NDRG2: variants seen among roughly 807,000 people sequenced by gnomAD.
NDRG2 encodes protein NDRG2.
NDRG2 carries 34 observed loss-of-function variants against 58.2 expected under a neutral mutation model. The observed-to-expected ratio is 0.58, with a 90% CI of 0.44 to 0.78. NDRG2 has a LOEUF of 0.78. Ranked by LOEUF, NDRG2 falls within the 30% of genes least tolerant of loss-of-function variation. The pLI, the probability that NDRG2 is intolerant of heterozygous loss-of-function variation, is 0.00. For missense variants in NDRG2, 434 were observed against 471.2 expected (o/e 0.92, Z 0.73); for synonymous variants, 187 against 175.9 (o/e 1.06, Z -0.50).
chr14:21,037,508 G>T (rs934950580), intron 1 of NDRG2, among the ~76,000 whole-genome samples: 6 of 152,196 alleles, frequency 3.9e-5, no homozygotes, highest in Non-Finnish European at 8.8e-5. Context: ...AGACATTTTT[G>T]GTTGTCACAA....
At chr14:21,048,692 A>G (rs530935882) in intron 1 of NDRG2, among the ~76,000 whole-genome samples, 12 of 152,370 alleles carry the variant, frequency 7.9e-5, no homozygotes, top group African/African-American at 2.9e-4. Flanking sequence ...ACTAGCATGT[A>G]GGGAAAGTTT....
chr14:21,035,422 T>C (rs1342613718), intron 1 of NDRG2, among the ~76,000 whole-genome samples: 1 of 152,218 alleles, frequency 6.6e-6, no homozygotes, highest in African/African-American at 2.4e-5. Flanking sequence ...CGCTCCTATC[T>C]TTTTCATCAA....
chr14:21,035,140 G>A (rs898092799), intron 1 of NDRG2, among the ~76,000 whole-genome samples: 2 of 152,220 alleles, frequency 1.3e-5, no homozygotes, highest in Admixed American at 1.3e-4. Flanking sequence ...AAAGTGCTGG[G>A]CTGAGAATCA....
chr14:21,018,546 T>C (rs1276724616), intron 12 of NDRG2, 42 bp from the exon 13 acceptor site: 1 of 1,607,630 alleles, frequency 6.2e-7, no homozygotes, highest in Admixed American at 1.7e-5. Context: ...TCACGCCCAC[T>C]GTGGCGCCTC....
intron 1 of NDRG2, among the ~76,000 whole-genome samples, chr14:21,052,650 G>A (rs1007849773): frequency 1.3e-5 from 2 of 152,322 alleles, no homozygotes; most frequent in South Asian, 2.1e-4. Context: ...TAGACTGGAC[G>A]CAAGGTGAGT....
intron 1 of NDRG2, among the ~76,000 whole-genome samples, chr14:21,063,443 T>A (rs897378772): frequency 1.3e-5 from 2 of 152,196 alleles, no homozygotes; most frequent in African/African-American, 4.8e-5. Context: ...TGGGGTTATT[T>A]GGAGGCAAGG....
intron 1 of NDRG2, among the ~76,000 whole-genome samples, chr14:21,037,127 C>T (rs1443191385): frequency 6.6e-6 from 1 of 151,652 alleles, no homozygotes; most frequent in Non-Finnish European, 1.5e-5. Context: ...GCTCCCCCCA[C>T]CCAACACCAC....
chr14:21,046,084 C>T (rs1377371133), intron 1 of NDRG2, among the ~76,000 whole-genome samples: 3 of 152,084 alleles, frequency 2.0e-5, no homozygotes, highest in South Asian at 4.1e-4. Context: ...ATTTTATTTA[C>T]ATAATAAATC....
In NDRG2 at chr14:21,024,587, C is replaced by A; in HGVS notation, c.-564G>T. ...CACAAAGATTGGTGCCGTCGCTTCT[C>A]TCCTCTACTCAGTCTCCGTGTAGGT... On this transcript the variant is annotated 5_prime_UTR_variant, in exon 1 of 16. It introduces an in-frame stop codon into an upstream open reading frame of the 5' UTR. Transcript: ENST00000556147. The A allele has an allele frequency of 1.0e-6, 1 of 985,492 alleles. No homozygotes were observed. The highest frequency in any genetic ancestry group is 4.7e-5 in the South Asian group (1 of 21,290). The allele number at this position is 985,492 out of a possible 1,614,324, so 61.0% of individuals were successfully genotyped here.
At position 21,022,048 on chromosome 14, in the gene NDRG2, GACCTA is replaced by G. The variant is rs1566466804; in HGVS notation, c.344+9_344+13del. ...CCTCACAGTCTGGTGAAGCAGTAACGACCTAACTCTTACCCCAAAGGGAACACAGG... is the reference window on the plus strand; with the variant it reads ...CCTCACAGTCTGGTGAAGCAGTAACGACTCTTACCCCAAAGGGAACACAGG... On this transcript the variant is annotated intron_variant, in intron 5 of 15. Coordinates refer to ENST00000556147, the MANE Select transcript of NDRG2 (RefSeq NM_001320329.2). 1 of 1,614,016 alleles carries G rather than the reference GACCTA, an allele frequency of 6.2e-7. No individual in the cohort carries two copies. Among genetic ancestry groups the G allele is most frequent in the Non-Finnish European group, 8.5e-7 (1 of 1,180,002 alleles).
chr14:21,049,175 G>T (rs1454074970), intron 1 of NDRG2, among the ~76,000 whole-genome samples: 1 of 152,204 alleles, frequency 6.6e-6, no homozygotes, highest in East Asian at 1.9e-4. Flanking sequence ...CAGGGCTCTA[G>T]TGACATTTCC....
At position 21,016,944 on chromosome 14, in the gene NDRG2, A is replaced by C; in HGVS notation, c.*652T>G. The C allele has an allele frequency of 2.2e-6, 1 of 456,602 alleles. No individual in the cohort carries two copies. The highest frequency in any genetic ancestry group is 4.4e-6 in the Non-Finnish European group (1 of 226,792). The allele number at this position is 456,602 out of a possible 1,614,324, so 28.3% of individuals were successfully genotyped here. On this transcript the variant is annotated 3_prime_UTR_variant, in exon 16 of 16. Coordinates refer to ENST00000556147, the MANE Select transcript of NDRG2 (RefSeq NM_001320329.2). ...CTCCCCAGTCCCACTCTAGATGCAC[A>C]CTGAGCTACCAAAGTTAGTGCAGCC... is the stretch of plus-strand genomic sequence containing the variant.
intron 1 of NDRG2, among the ~76,000 whole-genome samples, chr14:21,035,243 T>G (rs1884543866): frequency 6.6e-6 from 1 of 152,238 alleles, no homozygotes; most frequent in Non-Finnish European, 1.5e-5. Flanking sequence ...TGTCAGAGTT[T>G]GAGCACTACT....
At chr14:21,031,931 A>G in intron 1 of NDRG2, 4 of 1,614,170 alleles carry the variant, frequency 2.5e-6, no homozygotes, top group Non-Finnish European at 3.4e-6. Flanking sequence ...TTTGACAGAC[A>G]CCAGCAAGTA....
chr14:21,027,341 T>C (rs1320586294), upstream of NDRG2, among the ~76,000 whole-genome samples: 1 of 152,224 alleles, frequency 6.6e-6, no homozygotes, highest in Non-Finnish European at 1.5e-5. Flanking sequence ...GTTTTAAGTA[T>C]CTGTTATGTG....
At chr14:21,062,288 C>T (rs185014069) in intron 1 of NDRG2, among the ~76,000 whole-genome samples, 5 of 152,204 alleles carry the variant, frequency 3.3e-5, no homozygotes, top group Admixed American at 6.5e-5. Context: ...TTATATTTTC[C>T]GGTGTTAATA....
upstream of NDRG2, chr14:21,030,488 A>G: frequency 1.5e-6 from 2 of 1,315,258 alleles, no homozygotes; most frequent in Non-Finnish European, 1.1e-6. Context: ...ATTTTACCAT[A>G]ACACTCATCC....
chr14:21,059,272 TA>T (rs1885826829), intron 1 of NDRG2, among the ~76,000 whole-genome samples: 1 of 152,214 alleles, frequency 6.6e-6, no homozygotes. Flanking sequence ...GATCTGGTCT[TA>T]ATCATTGCTG....
At position 21,017,715 on chromosome 14, in the gene NDRG2, G is replaced by T; in HGVS notation, c.997C>A (p.Leu333Met). The change falls in exon 16 of 16, where the codon CTG becomes ATG. Residue 333 changes from leucine to methionine, a missense_variant. Leu to Met is a conservative substitution (Grantham distance 15, BLOSUM62 2). Transcript: ENST00000556147. The stretch of plus-strand genomic sequence containing the variant: ...CCATCAACGGATGCTGCACTGGTCA[G>T]AGAGGCTGTACGAGACCGGGACAGG... ...TRLSRSRTASLTSAASVDGNR... is the reference protein window; with the variant it reads ...TRLSRSRTASMTSAASVDGNR... 1 of 1,605,658 alleles carries T rather than the reference G, an allele frequency of 6.2e-7. No homozygotes were observed.
Sources: gnomAD v4.1 joint callset for allele counts (sites outside exome capture counted in the v4.1 genomes callset) on GRCh38, gnomAD v4.1.1 for gene constraint, MANE v1.5 for transcripts, NCBI Gene and HGNC (gene_info 2026-07-23, HGNC 2026-07-21) for gene names.